Variants in CRADD observed in about 807,000 individuals in gnomAD.
CRADD encodes CARD and death domain containing adaptor protein.
A neutral mutation model predicts 15.5 loss-of-function variants in CRADD; 9 were observed. The ratio of observed to expected loss-of-function variants is 0.58; its 90% CI spans 0.35 to 1.01. The LOEUF (loss-of-function observed/expected upper bound fraction) is 1.01. Among genes scored for constraint, CRADD ranks in the 50% least tolerant of loss-of-function variants. The pLI is 0.02. For synonymous variants in CRADD, 118 were observed against 107.6 expected, an observed-to-expected ratio of 1.10 and a Z score of -0.60; for missense variants, 227 against 250.3, an observed-to-expected ratio of 0.91 and a Z score of 0.63.
chr12:93,801,864 A>G (rs1957480169), intron 2 of CRADD, among the ~76,000 whole-genome samples: 1 of 152,106 alleles, frequency 6.6e-6, no homozygotes, highest in Non-Finnish European at 1.5e-5. Context: ...CCATCCGGCC[A>G]CAACAAGTCC....
At chr12:93,711,053 GC>G (rs1565882239) in intron 2 of CRADD, among the ~76,000 whole-genome samples, 1 of 17,762 alleles carries the variant, frequency 5.6e-5, no homozygotes, top group African/African-American at 2.1e-4. Flanking sequence ...TCCCACCCCC[GC>G]CTTTTTTTTT....
chr12:93,878,170 C>T (rs773725437), intron 2 of CRADD, among the ~76,000 whole-genome samples: 2 of 152,186 alleles, frequency 1.3e-5, no homozygotes, highest in Non-Finnish European at 2.9e-5. Context: ...AGATAATTCT[C>T]CCAGATTTTG....
intron 2 of CRADD, among the ~76,000 whole-genome samples, chr12:93,874,504 T>C (rs1165653000): frequency 6.6e-6 from 1 of 152,074 alleles, no homozygotes; most frequent in East Asian, 1.9e-4. Context: ...GCTTTTCTAG[T>C]TCTTTAAGAT....
downstream of CRADD, among the ~76,000 whole-genome samples, chr12:93,855,733 A>ATT (rs1229775020): frequency 2.6e-5 from 4 of 152,252 alleles, no homozygotes; most frequent in Non-Finnish European, 4.4e-5. Context: ...CCATGAGATG[A>ATT]AAGGTATAAC....
At chr12:93,699,123 T>C (rs1955780787) in intron 2 of CRADD, among the ~76,000 whole-genome samples, 1 of 152,208 alleles carries the variant, frequency 6.6e-6, no homozygotes, top group Non-Finnish European at 1.5e-5. Flanking sequence ...TTTCTTTACT[T>C]GGTGCCTAAC....
rs192975449 is a variant in CRADD, at chr12:93,876,416, A to G, written c.299-17634A>G. 1.3e-4 allele frequency among the ~76,000 whole-genome samples: 20 copies of G among 152,230 alleles called. 1 individual carries two copies. Among genetic ancestry groups the G allele is most frequent in the African/African-American group, 4.6e-4 (19 of 41,536 alleles). On this transcript the variant is annotated intron_variant, in intron 2 of 2. Transcript: ENST00000548483. The stretch of plus-strand genomic sequence containing the variant: ...TCATTTGAATACACTTTCTACCCCT[A>G]TCTCTTTCTCTACCTCCTATTTAAG...
chr12:93,848,397 C>G (rs1054139037), intron 2 of CRADD, among the ~76,000 whole-genome samples: 1 of 152,218 alleles, frequency 6.6e-6, no homozygotes, highest in Non-Finnish European at 1.5e-5. Context: ...TAATAAGGTG[C>G]CTTTGCCTTC....
At chr12:93,701,295 G>GACACAC (rs55986038) in intron 2 of CRADD, among the ~76,000 whole-genome samples, 13,360 of 143,324 alleles carry the variant, frequency 0.093, 672 homozygotes, top group African/African-American at 0.1. Flanking sequence ...CTCTCTCTGT[G>GACACAC]ACACACACAC....
At chr12:93,833,571 C>G (rs1593028789) in intron 2 of CRADD, among the ~76,000 whole-genome samples, 1 of 152,186 alleles carries the variant, frequency 6.6e-6, no homozygotes, top group East Asian at 1.9e-4. Flanking sequence ...GTCTTGAACT[C>G]CTGAACTCAA....
Position 93,824,004 on chromosome 12 carries a change from T to C in CRADD, c.299-25966T>C, listed in dbSNP as rs1240074865. Among the ~76,000 whole-genome samples the C allele has an allele frequency of 1.3e-5, 2 of 152,148 alleles. No individual in the cohort carries two copies. Among genetic ancestry groups the C allele is most frequent in the African/African-American group, 4.8e-5 (2 of 41,436 alleles). ...AACACAGTGACCCAAACTGACAAAA[T>C]AATGAAATACATGGCGTTTCCCCAG... On this transcript the variant is annotated intron_variant, in intron 2 of 2. Coordinates refer to ENST00000332896, the MANE Select transcript of CRADD (RefSeq NM_003805.5). This position sits in a 1 kb window ranked among gnomAD's most constrained non-coding sequence, Gnocchi z 4.3.
chr12:93,804,046 C>T (rs772563448), intron 2 of CRADD, among the ~76,000 whole-genome samples: 19 of 152,042 alleles, frequency 1.2e-4, no homozygotes, highest in Non-Finnish European at 2.1e-4. Flanking sequence ...GCACAGGTCT[C>T]AGAACTGTTA....
At chr12:93,794,961 C>T (rs1043226728) in intron 2 of CRADD, among the ~76,000 whole-genome samples, 3 of 152,156 alleles carry the variant, frequency 2.0e-5, no homozygotes, top group Non-Finnish European at 2.9e-5. Flanking sequence ...ACCTAGGTTT[C>T]GTCTTAAGTC....
intron 2 of CRADD, chr12:93,733,484 C>T (rs1956506929): frequency 6.6e-6 from 1 of 152,326 alleles, no homozygotes; most frequent in Non-Finnish European, 1.5e-5. Flanking sequence ...TCACCAGCCA[C>T]ACTGAAGAGG....
At chr12:93,751,824 C>T (rs1441560049) in intron 2 of CRADD, among the ~76,000 whole-genome samples, 4 of 152,208 alleles carry the variant, frequency 2.6e-5, no homozygotes, top group South Asian at 2.1e-4. Flanking sequence ...GATCGTGCCA[C>T]TGCATTCCAG....
Position 93,740,214 on chromosome 12 carries a change from AT to A in CRADD, c.298+61143del, listed in dbSNP as rs1381035771. Among the ~76,000 whole-genome samples, 4 of 152,178 alleles carry A rather than the reference AT, an allele frequency of 2.6e-5. No individual in the cohort carries two copies. The East Asian group carries it at 7.7e-4, about 29-fold the overall frequency. On this transcript the variant is annotated intron_variant, in intron 2 of 2. Transcript: ENST00000332896. ...TAATGAATTTTAAAATAGAAAAAAA[AT>A]CTGCCAAAACAGACCAGTTGTTTAT... is the stretch of plus-strand genomic sequence containing the variant.
At chr12:93,846,678 A>G in intron 2 of CRADD, among the ~76,000 whole-genome samples, 1 of 152,092 alleles carries the variant, frequency 6.6e-6, no homozygotes, top group African/African-American at 2.4e-5. Flanking sequence ...AGGGGATTAA[A>G]GCAATAAGGA....
chr12:93,699,147 A>G (rs1955781600), intron 2 of CRADD, among the ~76,000 whole-genome samples: 2 of 152,208 alleles, frequency 1.3e-5, no homozygotes, highest in South Asian at 4.1e-4. Context: ...GTGCTGGATT[A>G]AAGCAAATGC....
chr12:93,790,227 A>G (rs1050869742), intron 2 of CRADD, among the ~76,000 whole-genome samples: 1 of 152,138 alleles, frequency 6.6e-6, no homozygotes, highest in African/African-American at 2.4e-5. Context: ...AACATACATT[A>G]TCATTTCTAA....
At chr12:93,839,992 A>C (rs1958028556) in intron 2 of CRADD, among the ~76,000 whole-genome samples, 1 of 152,174 alleles carries the variant, frequency 6.6e-6, no homozygotes, top group Non-Finnish European at 1.5e-5. Flanking sequence ...TTTTCCATGA[A>C]CTTTATAGTT....
Sources: allele counts gnomAD v4.1 joint callset (sites outside exome capture counted in the v4.1 genomes callset), GRCh38; gene constraint gnomAD v4.1.1; non-coding constraint Gnocchi (gnomAD v3.1); transcripts MANE v1.5; gene names NCBI Gene and HGNC (gene_info 2026-07-23, HGNC 2026-07-21).